Variants in VPS13B observed in about 807,000 individuals in gnomAD.
VPS13B encodes vacuolar protein sorting 13 homolog B.
A neutral mutation model predicts 426.4 loss-of-function variants in VPS13B; 285 were observed. That is an observed-to-expected ratio of 0.67 (90% CI 0.61 to 0.74). The LOEUF is 0.74. Among genes scored for constraint, VPS13B ranks in the 30% least tolerant of loss-of-function variants. VPS13B has a pLI of 0.00. For synonymous variants in VPS13B, 1,676 were observed against 1,676.4 expected (o/e 1.00, Z 0.01); for missense variants, 4,537 against 4,782.6 (o/e 0.95, Z 1.51).
chr8:99,795,993 G>A (rs1812792189), intron 43 of VPS13B, among the ~76,000 whole-genome samples: 1 of 152,192 alleles, frequency 6.6e-6, no homozygotes, highest in Non-Finnish European at 1.5e-5. Flanking sequence ...GGCTGTCTTG[G>A]AGGTGAGCTT....
chr8:99,321,090 G>C (rs1809953483), intron 19 of VPS13B, among the ~76,000 whole-genome samples: 1 of 152,014 alleles, frequency 6.6e-6, no homozygotes, highest in Admixed American at 6.6e-5. Context: ...TCAGATTCTG[G>C]AACATTCTAT....
chr8:99,756,276 G>C (rs1810637906), intron 39 of VPS13B, among the ~76,000 whole-genome samples: 1 of 152,204 alleles, frequency 6.6e-6, no homozygotes, highest in South Asian at 2.1e-4. Context: ...CAGTGAGCTT[G>C]AAGTTAGGTT....
At chr8:99,766,662 TC>T in intron 39 of VPS13B, 111 bp from the exon 40 acceptor site, 1 of 872,316 alleles carries the variant, frequency 1.1e-6, no homozygotes, top group Non-Finnish European at 1.7e-6. Flanking sequence ...AACCTTATTC[TC>T]CTCTAAAGGT....
At chr8:99,186,336 T>C (rs936341944) in intron 16 of VPS13B, among the ~76,000 whole-genome samples, 1 of 152,044 alleles carries the variant, frequency 6.6e-6, no homozygotes. Context: ...AAAAATACAC[T>C]TTTTATTGTG....
At chr8:99,478,401 G>A (rs1476587639) in intron 24 of VPS13B, among the ~76,000 whole-genome samples, 21 of 136,834 alleles carry the variant, frequency 1.5e-4, no homozygotes, top group African/African-American at 5.2e-4. Flanking sequence ...TTATTTCTCT[G>A]AGCTCTTGAT....
chr8:99,631,059 T>A (rs984843079), intron 33 of VPS13B, among the ~76,000 whole-genome samples: 3 of 152,134 alleles, frequency 2.0e-5, no homozygotes, highest in African/African-American at 7.2e-5. Context: ...AGATATGTTG[T>A]TTATGATGTT....
At chr8:99,578,457 C>T (rs1825877333) in intron 33 of VPS13B, among the ~76,000 whole-genome samples, 3 of 152,026 alleles carry the variant, frequency 2.0e-5, no homozygotes, top group Admixed American at 2.0e-4. Flanking sequence ...ATTATTCTTT[C>T]AGTCTTCTTT....
At chr8:99,061,148 A>G (rs1285302295) in intron 3 of VPS13B, among the ~76,000 whole-genome samples, 1 of 152,196 alleles carries the variant, frequency 6.6e-6, no homozygotes, top group Admixed American at 6.5e-5. Flanking sequence ...ATCTGGCATT[A>G]AAGACATAAG....
chr8:99,038,704 T>G (rs1052639790), intron 3 of VPS13B, 138 bp downstream of exon 3: 2 of 614,202 alleles, frequency 3.3e-6, no homozygotes, highest in South Asian at 4.2e-5. Flanking sequence ...TTTTTTTTTT[T>G]TGAGATAGAG....
At chr8:99,411,462 G>A (rs1257378963) in intron 21 of VPS13B, among the ~76,000 whole-genome samples, 1 of 152,108 alleles carries the variant, frequency 6.6e-6, no homozygotes, top group Non-Finnish European at 1.5e-5. Context: ...CTGGATATTA[G>A]CCCTTTGTCA....
chr8:99,442,422 G>A lies in VPS13B; in HGVS notation c.3232G>A (p.Val1078Met). The change falls in exon 23 of 62, where the codon GTG becomes ATG. Residue 1078 changes from valine to methionine, a missense_variant. By Grantham distance (21) the Val-to-Met change is conservative (BLOSUM62 1). Coordinates refer to ENST00000357162, the MANE Select transcript of VPS13B (RefSeq NM_152564.5). Reference protein sequence around the residue: ...TLQLEVQSCCVFIPNDSLPSP... With the variant: ...TLQLEVQSCCMFIPNDSLPSP... ...CTAGCTTGAAGTACAATCTTGTTGT[G>A]TGTTTATTCCAAATGATAGCCTGCC... The A allele has an allele frequency of 6.2e-7, 1 of 1,613,742 alleles. No individual in the cohort carries two copies. Among genetic ancestry groups the A allele is most frequent in the Non-Finnish European group, 8.5e-7 (1 of 1,179,794 alleles).
At chr8:99,096,248 T>A (rs968198152) in intron 3 of VPS13B, 64 bp from the exon 4 acceptor site, 44 of 1,587,452 alleles carry the variant, frequency 2.8e-5, no homozygotes, top group East Asian at 9.1e-5. Context: ...TATTAAAAAA[T>A]TTTTTTTCTT....
intron 34 of VPS13B, among the ~76,000 whole-genome samples, chr8:99,658,878 C>T (rs1324812270): frequency 6.6e-6 from 1 of 152,164 alleles, no homozygotes; most frequent in Admixed American, 6.5e-5. Flanking sequence ...TGCAGTGGCA[C>T]AATCACGGCT....
chr8:99,500,076 T>A (rs1325102365), intron 25 of VPS13B, among the ~76,000 whole-genome samples: 1 of 152,146 alleles, frequency 6.6e-6, no homozygotes, highest in Non-Finnish European at 1.5e-5. Context: ...TGTACAGGAT[T>A]TTAATTATCA....
Position 99,380,570 on chromosome 8 carries a change from A to G in VPS13B, c.2825-3638A>G, listed in dbSNP as rs545840118. ...ATTTATACTGGTTCTGGGCCCATGG[A>G]AAAAATAGAACTACATGGTAGAATA... On this transcript the variant is annotated intron_variant, in intron 19 of 61. Transcript: ENST00000357162. Among the ~76,000 whole-genome samples, 239 of 152,144 alleles carry G rather than the reference A, an allele frequency of 1.6e-3. 1 individual carries two copies. Among genetic ancestry groups the G allele is most frequent in the African/African-American group, 5.1e-3 (211 of 41,536 alleles).
chr8:99,696,633 G>A, intron 35 of VPS13B: 2 of 688,192 alleles, frequency 2.9e-6, no homozygotes, highest in Non-Finnish European at 2.8e-6. Context: ...GGTCAACCTG[G>A]AGCTGGCAGA....
intron 39 of VPS13B, among the ~76,000 whole-genome samples, chr8:99,744,865 A>G (rs1297199169): frequency 1.3e-5 from 2 of 152,124 alleles, no homozygotes; most frequent in East Asian, 3.9e-4. Context: ...GATACACCCA[A>G]TGTTAAATGA....
At chr8:99,370,124 T>C (rs1407703784) in intron 19 of VPS13B, among the ~76,000 whole-genome samples, 4 of 152,248 alleles carry the variant, frequency 2.6e-5, no homozygotes, top group African/African-American at 4.8e-5. Context: ...ATTCAACAGA[T>C]TTTGTATTTT....
intron 14 of VPS13B, among the ~76,000 whole-genome samples, chr8:99,150,532 G>A (rs1811014387): frequency 6.6e-6 from 1 of 152,110 alleles, no homozygotes; most frequent in Non-Finnish European, 1.5e-5. Context: ...TTTGTGCTCT[G>A]CCTATTCATC....
Sources: gnomAD v4.1 joint callset for allele counts (sites outside exome capture counted in the v4.1 genomes callset) on GRCh38, gnomAD v4.1.1 for gene constraint, MANE v1.5 for transcripts, NCBI Gene and HGNC (gene_info 2026-07-23, HGNC 2026-07-21) for gene names.